The following ITGB8 variants were observed in gnomAD, a reference collection of about 807,000 sequenced individuals.
ITGB8 encodes the protein integrin subunit beta 8.
Under a neutral mutation model 89.5 loss-of-function variants are expected in ITGB8, and 30 were observed. The observed-to-expected ratio is 0.34, with a 90% CI of 0.25 to 0.45. The LOEUF is 0.45. Ranked by LOEUF, ITGB8 falls within the 20% of genes least tolerant of loss-of-function variation. The pLI is 1.00. For missense variants in ITGB8, 836 were observed against 933.3 expected (o/e 0.90, Z 1.36); for synonymous variants, 335 against 320.4 (o/e 1.05, Z -0.49).
Position 20,331,232 on chromosome 7 carries a change from C to T in ITGB8, c.-575C>T. ...CTCCGCAGACGGGGCTGCAAAGCTG[C>T]AACTAATGGTGTTGGCCTCCCTGCC... On this transcript the variant is annotated 5_prime_UTR_variant, in exon 1 of 14. Transcript: ENST00000222573. The T allele has an allele frequency of 8.2e-6, 2 of 243,960 alleles. No homozygotes were observed. Among genetic ancestry groups the T allele is most frequent in the Non-Finnish European group, 1.6e-5 (2 of 128,146 alleles). 15.1% of individuals were successfully genotyped at this position (243,960 alleles called of 1,614,324 possible). A position where few individuals can be genotyped will look rare whatever the true frequency, so the allele number is the denominator to read the frequency against.
At chr7:20,333,483 C>T (rs1191791989) in intron 1 of ITGB8, among the ~76,000 whole-genome samples, 1 of 152,098 alleles carries the variant, frequency 6.6e-6, no homozygotes, top group Non-Finnish European at 1.5e-5. Flanking sequence ...AGTAAAATGA[C>T]CAAAATTTGT....
chr7:20,384,367 G>T (rs992927441), intron 6 of ITGB8, among the ~76,000 whole-genome samples: 8 of 152,138 alleles, frequency 5.3e-5, no homozygotes, highest in African/African-American at 1.9e-4. Context: ...TAAATTACAT[G>T]GGACAGAGTT....
At chr7:20,397,383 A>C (rs1446397342) in intron 8 of ITGB8, among the ~76,000 whole-genome samples, 1 of 151,880 alleles carries the variant, frequency 6.6e-6, no homozygotes, top group Non-Finnish European at 1.5e-5. Flanking sequence ...TATCACGCAC[A>C]CCCGGCTAAT....
At chr7:20,349,951 C>T (rs114206021) in intron 1 of ITGB8, among the ~76,000 whole-genome samples, 2,226 of 152,244 alleles carry the variant, frequency 0.015, 49 homozygotes, top group African/African-American at 0.05. Flanking sequence ...TCTGAAGCTA[C>T]GTACCACTAC....
At chr7:20,404,542 G>A in intron 10 of ITGB8, 86 bp from the exon 11 acceptor site, 3 of 1,115,290 alleles carry the variant, frequency 2.7e-6, no homozygotes, top group Middle Eastern at 2.2e-4. Flanking sequence ...GCGTTTCCAT[G>A]GAGATGATAC....
At chr7:20,349,806 G>T (rs989308096) in intron 1 of ITGB8, among the ~76,000 whole-genome samples, 1 of 152,130 alleles carries the variant, frequency 6.6e-6, no homozygotes. Context: ...TGCACTGGTT[G>T]TCTTTTTCTA....
intron 3 of ITGB8, among the ~76,000 whole-genome samples, chr7:20,368,825 A>T (rs1785813357): frequency 6.6e-6 from 1 of 152,064 alleles, no homozygotes; most frequent in Non-Finnish European, 1.5e-5. Flanking sequence ...TTATCCTACT[A>T]GGTTTGTAAT....
chr7:20,334,912 T>C (rs1784526045), intron 1 of ITGB8, among the ~76,000 whole-genome samples: 1 of 152,208 alleles, frequency 6.6e-6, no homozygotes, highest in South Asian at 2.1e-4. Flanking sequence ...TGGTTAACCA[T>C]GGTATTAACC....
chr7:20,344,857 ACTGAACT>A (rs1235375282), intron 1 of ITGB8, among the ~76,000 whole-genome samples: 2 of 152,230 alleles, frequency 1.3e-5, no homozygotes, highest in Non-Finnish European at 2.9e-5. Context: ...GTGAATACAT[ACTGAACT>A]CTTACACTGT....
At chr7:20,329,894 G>C (rs960000044), upstream of ITGB8, 1 of 152,182 alleles carries the variant, frequency 6.6e-6, no homozygotes, top group South Asian at 2.1e-4. Context: ...AGGACCCGAG[G>C]AGGCGCGCTG....
upstream of ITGB8, among the ~76,000 whole-genome samples, chr7:20,330,394 G>A (rs895894344): frequency 1.3e-5 from 2 of 152,196 alleles, no homozygotes; most frequent in African/African-American, 2.4e-5. Context: ...ACAAAGCGGC[G>A]AGCAGCGCGG....
intron 2 of ITGB8, chr7:20,365,597 G>A (rs1032886948): frequency 6.6e-6 from 1 of 152,168 alleles, no homozygotes; most frequent in Non-Finnish European, 1.5e-5. Flanking sequence ...TGGGATTTAG[G>A]ACTATATATA....
chr7:20,400,680 G>C (rs1173678618), intron 9 of ITGB8, among the ~76,000 whole-genome samples: 3 of 152,152 alleles, frequency 2.0e-5, no homozygotes, highest in African/African-American at 7.2e-5. Flanking sequence ...TGTGCAAAAA[G>C]AAGAAATAGA....
intron 1 of ITGB8, among the ~76,000 whole-genome samples, chr7:20,356,479 TATCAA>T: frequency 6.6e-6 from 1 of 152,342 alleles, no homozygotes; most frequent in Non-Finnish European, 1.5e-5. Context: ...TTTTGACTGT[TATCAA>T]AGCAGAACAT....
intron 1 of ITGB8, among the ~76,000 whole-genome samples, chr7:20,342,898 T>A (rs1784810307): frequency 2.0e-5 from 3 of 152,206 alleles, no homozygotes; most frequent in Admixed American, 2.0e-4. Flanking sequence ...CTTAGCTGTC[T>A]CTGCATAATC....
intron 6 of ITGB8, among the ~76,000 whole-genome samples, chr7:20,386,470 G>GTCTAAA (rs1327343170): frequency 3.0e-4 from 42 of 140,682 alleles, no homozygotes; most frequent in African/African-American, 1.1e-3. Flanking sequence ...GTGTTAGCCA[G>GTCTAAA]GCTGGTCTAA....
rs1787848615 is a variant in ITGB8 at position 20,413,911 on chromosome 7, A to G, written c.*3914A>G. ...ATATTGACCTCAAGAACTCCATTTT[A>G]TGCAATGCAGACCACTGAGATATAG... On this transcript the variant is annotated 3_prime_UTR_variant, in exon 14 of 14. Coordinates refer to ENST00000222573, the MANE Select transcript of ITGB8 (RefSeq NM_002214.3). 1 of 152,150 alleles carries G rather than the reference A, an allele frequency of 6.6e-6. No homozygotes were observed. The highest frequency in any genetic ancestry group is 2.4e-5 in the African/African-American group (1 of 41,456). The allele number at this position is 152,150 out of a possible 1,614,324, so 9.4% of individuals were successfully genotyped here.
chr7:20,346,561 A>AG (rs1170033738), intron 1 of ITGB8: 2 of 215,520 alleles, frequency 9.3e-6, no homozygotes, highest in African/African-American at 4.7e-5. Flanking sequence ...CTGAGGGGCA[A>AG]GGGGAGGTTC....
chr7:20,343,436 G>A lies in ITGB8; in HGVS notation c.127+11503G>A, dbSNP rs539774857. Among the ~76,000 whole-genome samples the A allele has an allele frequency of 3.3e-5, 5 of 152,234 alleles. No individual in the cohort carries two copies. In the South Asian group the frequency reaches 1.0e-3, roughly 32 times the overall value. On this transcript the variant is annotated intron_variant, in intron 1 of 13. Coordinates refer to ENST00000222573, the MANE Select transcript of ITGB8 (RefSeq NM_002214.3). ...TGTTATCTGCTGCCTGCTGTACCCT[G>A]CCTGTTCCATTTCATAGCACTCTTG...
Sources: allele counts gnomAD v4.1 joint callset (sites outside exome capture counted in the v4.1 genomes callset), GRCh38; gene constraint gnomAD v4.1.1; transcripts MANE v1.5; gene names NCBI Gene and HGNC (gene_info 2026-07-23, HGNC 2026-07-21).